Variants in RGL1 observed in about 807,000 individuals in gnomAD.
The protein encoded by RGL1 is ral guanine nucleotide dissociation stimulator-like 1.
A neutral mutation model predicts 95.2 loss-of-function variants in RGL1; 24 were observed. The observed-to-expected ratio is 0.25, with a 90% CI of 0.18 to 0.35. RGL1 has a LOEUF of 0.35. RGL1 is among the 10% of genes least tolerant of loss of function. The pLI, the probability that RGL1 is intolerant of heterozygous loss-of-function variation, is 1.00. For missense variants in RGL1, 715 were observed against 936.3 expected (o/e 0.76, Z 3.08); for synonymous variants, 329 against 344.9 (o/e 0.95, Z 0.51).
intron 1 of RGL1, among the ~76,000 whole-genome samples, chr1:183,680,068 GT>G (rs1468486552): frequency 6.6e-6 from 1 of 151,932 alleles, no homozygotes; most frequent in Admixed American, 6.6e-5. Flanking sequence ...GGGGTTGTTT[GT>G]TTTTTTCTTG....
At chr1:183,922,053 C>G (rs1669335575) in intron 16 of RGL1, among the ~76,000 whole-genome samples, 169 bp from the exon 17 acceptor site, 1 of 152,120 alleles carries the variant, frequency 6.6e-6, no homozygotes, top group Admixed American at 6.5e-5. Context: ...AAGGGTAGAA[C>G]CAGGACTAGA....
In RGL1 at chr1:183,742,191, G is replaced by A. The variant is rs1356612840; in HGVS notation, c.34G>A (p.Glu12Lys). 5 of 1,613,984 alleles carry A rather than the reference G, an allele frequency of 3.1e-6. No individual in the cohort carries two copies. In the African/African-American group the frequency reaches 5.3e-5, roughly 17 times the overall value. Residue 12 changes from glutamate (E) to lysine (K), a missense_variant, in exon 2 of 19, where the codon GAG becomes AAG. Glu to Lys is a moderately conservative substitution (Grantham distance 56). Transcript: ENST00000304685. ...GAAACCTGTGGGAGAACCTACTCAAGAGGTGTCTAAATTCAAACTTTCCAC... is the reference window on the plus strand; with the variant it reads ...GAAACCTGTGGGAGAACCTACTCAAAAGGTGTCTAAATTCAAACTTTCCAC...
chr1:183,849,181 C>T (rs1045180534), intron 3 of RGL1, among the ~76,000 whole-genome samples: 16 of 152,148 alleles, frequency 1.1e-4, no homozygotes, highest in East Asian at 1.9e-4. Flanking sequence ...CCTCAAACTC[C>T]GGGGCTCAAG....
At chr1:183,805,996 T>TTTTTTTTTTTTTTTTTTTTTTTC (rs1661301000) in intron 1 of RGL1, among the ~76,000 whole-genome samples, 12 of 81,646 alleles carry the variant, frequency 1.5e-4, no homozygotes, top group Admixed American at 2.4e-4. Context: ...TTTTTTTTTT[T>TTTTTTTTTTTTTTTTTTTTTTTC]TTTTTTTTTT....
At chr1:183,653,306 A>C (rs897319390) in intron 1 of RGL1, 3 of 152,258 alleles carry the variant, frequency 2.0e-5, no homozygotes, top group Admixed American at 6.5e-5. Flanking sequence ...GCTACCTCTA[A>C]GAACACTGTT....
chr1:183,650,388 A>G (rs1266578955), intron 1 of RGL1, among the ~76,000 whole-genome samples: 1 of 152,026 alleles, frequency 6.6e-6, no homozygotes, highest in Non-Finnish European at 1.5e-5. Flanking sequence ...CTAAAAATGT[A>G]AAAAATTAGC....
At chr1:183,787,683 A>G (rs754450171) in intron 2 of RGL1, among the ~76,000 whole-genome samples, 3 of 151,994 alleles carry the variant, frequency 2.0e-5, no homozygotes, top group Non-Finnish European at 4.4e-5. Context: ...TTTGATCCCT[A>G]GTGTTGGAGG....
rs779848387 is a variant in RGL1, at chr1:183,922,349, C to G, written c.2119+13C>G. The stretch of plus-strand genomic sequence containing the variant: ...TCGGAGGACAAAGGTGGGCATCCTT[C>G]CGAGACAGGCATGTTCCTTCCCAGG... On this transcript the variant is annotated intron_variant, in intron 17 of 17. Coordinates refer to ENST00000360851, the MANE Select transcript of RGL1 (RefSeq NM_001297671.3). 6.3e-7 allele frequency: 1 copy of G among 1,593,468 alleles called. No homozygotes were observed. Among genetic ancestry groups the G allele is most frequent in the Non-Finnish European group, 8.6e-7 (1 of 1,163,066 alleles).
At chr1:183,660,300 A>C (rs191329602) in intron 1 of RGL1, among the ~76,000 whole-genome samples, 1 of 152,284 alleles carries the variant, frequency 6.6e-6, no homozygotes, top group East Asian at 1.9e-4. Flanking sequence ...AGTGTGCTGT[A>C]TTCAGGAAAC....
At chr1:183,743,005 G>T (rs10797903) in intron 2 of RGL1, among the ~76,000 whole-genome samples, 2 of 151,748 alleles carry the variant, frequency 1.3e-5, no homozygotes, top group Non-Finnish European at 2.9e-5. Flanking sequence ...TAAAGCTAGA[G>T]GTTTTTATGT....
chr1:183,791,447 A>G (rs947136555), intron 2 of RGL1, among the ~76,000 whole-genome samples: 3 of 152,118 alleles, frequency 2.0e-5, no homozygotes, highest in Non-Finnish European at 4.4e-5. Context: ...CACCTTCTCA[A>G]AAGTTCTCCT....
At chr1:183,783,643 T>G (rs1382033475) in intron 2 of RGL1, among the ~76,000 whole-genome samples, 1 of 152,162 alleles carries the variant, frequency 6.6e-6, no homozygotes, top group Non-Finnish European at 1.5e-5. Context: ...CTACTTTGCT[T>G]TGCTAAGTAA....
At chr1:183,870,276 G>T (rs140099515) in intron 4 of RGL1, among the ~76,000 whole-genome samples, 8 of 151,996 alleles carry the variant, frequency 5.3e-5, no homozygotes, top group Non-Finnish European at 1.2e-4. Flanking sequence ...GGTCTTCAGG[G>T]GTATGTGTCT....
intron 1 of RGL1, among the ~76,000 whole-genome samples, chr1:183,637,537 C>CA (rs1268753024): frequency 1.3e-5 from 2 of 151,728 alleles, no homozygotes; most frequent in Non-Finnish European, 2.9e-5. Flanking sequence ...TCTTTAAGTT[C>CA]AAAAAAATAC....
chr1:183,847,733 C>T lies in RGL1; in HGVS notation c.306C>T (p.Gly102=). ...YISIFLSTYR[G]FASTKEVLEL... ...GCATCTTTCTTTCAACGTACAGAGGCTTTGCCTCCACTAAAGAAGTGCTGG... is the reference window on the plus strand; with the variant it reads ...GCATCTTTCTTTCAACGTACAGAGGTTTTGCCTCCACTAAAGAAGTGCTGG... Residue 102 remains glycine (G), a synonymous_variant, in exon 3 of 18, where the codon GGC becomes GGT. Coordinates refer to ENST00000360851, the MANE Select transcript of RGL1 (RefSeq NM_001297671.3). The T allele has an allele frequency of 6.2e-7, 1 of 1,614,066 alleles. No homozygotes were observed. Among genetic ancestry groups the T allele is most frequent in the Non-Finnish European group, 8.5e-7 (1 of 1,179,932 alleles).
At chr1:183,720,616 T>C (rs78235534) in intron 1 of RGL1, among the ~76,000 whole-genome samples, 5,354 of 152,318 alleles carry the variant, frequency 0.035, 109 homozygotes, top group East Asian at 0.08. Flanking sequence ...ATTGACAGTC[T>C]TCCTTCTTTC....
At chr1:183,701,952 AAAT>A (rs1170097520) in intron 1 of RGL1, among the ~76,000 whole-genome samples, 1 of 152,142 alleles carries the variant, frequency 6.6e-6, no homozygotes, top group African/African-American at 2.4e-5. Flanking sequence ...AAATAAAATA[AAAT>A]AATATTTTAT....
chr1:183,776,212 G>C (rs1319316364), intron 2 of RGL1, among the ~76,000 whole-genome samples: 5 of 142,850 alleles, frequency 3.5e-5, no homozygotes, highest in Non-Finnish European at 7.5e-5. Flanking sequence ...GCAGTGGCGC[G>C]ATCTCGGCTC....
At chr1:183,648,926 A>C (rs1387152236) in intron 1 of RGL1, 4 of 637,814 alleles carry the variant, frequency 6.3e-6, no homozygotes, top group African/African-American at 1.8e-5. Context: ...AGATAGTGAT[A>C]TATGCATAGA....
Sources: allele counts gnomAD v4.1 joint callset (sites outside exome capture counted in the v4.1 genomes callset), GRCh38; gene constraint gnomAD v4.1.1; transcripts MANE v1.5; gene names NCBI Gene and HGNC (gene_info 2026-07-23, HGNC 2026-07-21).